Variants in GRIA4 observed in about 807,000 individuals in gnomAD.
GRIA4 encodes the protein glutamate ionotropic receptor AMPA type subunit 4.
GRIA4 carries 34 observed loss-of-function variants against 104.0 expected under a neutral mutation model. The ratio of observed to expected loss-of-function variants is 0.33; its 90% CI spans 0.25 to 0.44. GRIA4 has a LOEUF of 0.44. GRIA4 is among the 20% of genes least tolerant of loss of function. The pLI, the probability that GRIA4 is intolerant of heterozygous loss-of-function variation, is 1.00. For synonymous variants in GRIA4, 386 were observed against 381.9 expected, an observed-to-expected ratio of 1.01 and a Z score of -0.13; for missense variants, 750 against 1,096.5, an observed-to-expected ratio of 0.68 and a Z score of 4.46.
chr11:105,751,748 T>A (rs1284903839), intron 3 of GRIA4, among the ~76,000 whole-genome samples: 1 of 152,194 alleles, frequency 6.6e-6, no homozygotes. Context: ...TTTAACAACA[T>A]AAATGCACAT....
intron 5 of GRIA4, among the ~76,000 whole-genome samples, chr11:105,868,495 A>G (rs1945507363): frequency 6.6e-6 from 1 of 152,150 alleles, no homozygotes; most frequent in Non-Finnish European, 1.5e-5. Context: ...GGTTCAAACA[A>G]CAATTGTCGA....
chr11:105,753,408 T>C (rs1287975868), intron 4 of GRIA4, among the ~76,000 whole-genome samples, 188 bp downstream of exon 4: 1 of 152,166 alleles, frequency 6.6e-6, no homozygotes, highest in Non-Finnish European at 1.5e-5. Context: ...ATTCACAAGG[T>C]TACTCCTGAG....
intron 3 of GRIA4, among the ~76,000 whole-genome samples, chr11:105,662,750 T>A (rs572394667): frequency 6.6e-6 from 1 of 151,986 alleles, no homozygotes; most frequent in South Asian, 2.1e-4. Flanking sequence ...TTGATTAAAA[T>A]AAATGATGTG....
At chr11:105,650,984 A>G (rs1408139674) in intron 3 of GRIA4, among the ~76,000 whole-genome samples, 1 of 152,184 alleles carries the variant, frequency 6.6e-6, no homozygotes, top group Non-Finnish European at 1.5e-5. Flanking sequence ...AACATTTTAC[A>G]CTTTAATCAA....
intron 15 of GRIA4, among the ~76,000 whole-genome samples, chr11:105,972,445 T>A (rs471795): frequency 0.65 from 98,693 of 151,852 alleles, 32,143 homozygotes; most frequent in Middle Eastern, 0.73. Flanking sequence ...TAAATATTAA[T>A]TAAATGCTTA....
rs71469040 is a variant in GRIA4, at chr11:105,888,271, C to CTTTTTTTTTT, written c.726+720_726+729dup. On this transcript the variant is annotated intron_variant, in intron 6 of 16. Coordinates refer to ENST00000282499, the MANE Select transcript of GRIA4 (RefSeq NM_000829.4). Reference sequence around the variant, plus strand: ...TTGGAGAAGTTAAGGATGTTTTCTCCTTTTTTTTTTTTTTTTTTTTTTTTT... The same window carrying CTTTTTTTTTT: ...TTGGAGAAGTTAAGGATGTTTTCTCCTTTTTTTTTTTTTTTTTTTTTTTTTTTTTTTTTTT... 4.4e-3 allele frequency among the ~76,000 whole-genome samples: 240 copies of CTTTTTTTTTT among 54,576 alleles called. 55 individuals are homozygous for CTTTTTTTTTT. Among genetic ancestry groups the CTTTTTTTTTT allele is most frequent in the African/African-American group, 8.7e-3 (109 of 12,526 alleles). 35.8% of individuals were successfully genotyped at this position (54,576 alleles called of 152,430 possible).
intron 14 of GRIA4, among the ~76,000 whole-genome samples, chr11:105,951,169 G>C (rs1470910343): frequency 6.6e-6 from 1 of 152,160 alleles, no homozygotes; most frequent in Non-Finnish European, 1.5e-5. Flanking sequence ...TGTGGACCAT[G>C]GAATGGAATT....
chr11:105,936,923 G>A (rs1948058070), intron 14 of GRIA4, among the ~76,000 whole-genome samples: 1 of 152,088 alleles, frequency 6.6e-6, no homozygotes, highest in Non-Finnish European at 1.5e-5. Context: ...TAAAACCACT[G>A]ATCTATCACT....
At chr11:105,872,966 G>C (rs1383074480) in intron 5 of GRIA4, among the ~76,000 whole-genome samples, 1 of 151,954 alleles carries the variant, frequency 6.6e-6, no homozygotes, top group Non-Finnish European at 1.5e-5. Flanking sequence ...GGATACATGT[G>C]CAGAATGTGC....
At chr11:105,700,456 C>G (rs929463798) in intron 3 of GRIA4, among the ~76,000 whole-genome samples, 5 of 152,154 alleles carry the variant, frequency 3.3e-5, no homozygotes, top group Non-Finnish European at 7.3e-5. Flanking sequence ...TTATTTTCCT[C>G]CATATTTAAG....
At chr11:105,887,615 G>A (rs765087595) in intron 6 of GRIA4, 43 bp downstream of exon 6, 6 of 864,406 alleles carry the variant, frequency 6.9e-6, no homozygotes, top group Non-Finnish European at 1.2e-5. Context: ...AATTGCTCAA[G>A]CACACAAGAT....
chr11:105,819,733 C>A (rs1486874896), intron 4 of GRIA4, among the ~76,000 whole-genome samples: 2 of 151,956 alleles, frequency 1.3e-5, no homozygotes, highest in Non-Finnish European at 2.9e-5. Flanking sequence ...CTCAGCAACA[C>A]AATGAAATAA....
intron 1 of GRIA4, 31 bp from the exon 2 acceptor site, chr11:105,610,870 CTTTTTTT>C (rs55973528): frequency 5.0e-4 from 177 of 356,844 alleles, no homozygotes; most frequent in Middle Eastern, 1.5e-3. Context: ...TCTTTCTTTT[CTTTTTTT>C]TTTTTTTTTT....
intron 4 of GRIA4, among the ~76,000 whole-genome samples, chr11:105,813,816 A>G (rs1943270204): frequency 6.6e-6 from 1 of 152,124 alleles, no homozygotes; most frequent in African/African-American, 2.4e-5. Context: ...ACAAAACAAG[A>G]TAGACAATGA....
chr11:105,675,549 T>C (rs1952509600), intron 3 of GRIA4, among the ~76,000 whole-genome samples: 1 of 151,804 alleles, frequency 6.6e-6, no homozygotes, highest in Non-Finnish European at 1.5e-5. Flanking sequence ...TCAGGTGTCA[T>C]ATTGCTCCCC....
At chr11:105,815,485 C>A (rs1943338590) in intron 4 of GRIA4, among the ~76,000 whole-genome samples, 1 of 152,096 alleles carries the variant, frequency 6.6e-6, no homozygotes, top group African/African-American at 2.4e-5. Context: ...TTTCATCTGT[C>A]CTCTCACCTG....
chr11:105,947,256 C>T (rs1300881330), intron 14 of GRIA4, among the ~76,000 whole-genome samples: 1 of 152,114 alleles, frequency 6.6e-6, no homozygotes, highest in Non-Finnish European at 1.5e-5. Flanking sequence ...CTCTCACTGA[C>T]TTCTTTAATG....
At chr11:105,611,715 C>T (rs118064766) in intron 2 of GRIA4, among the ~76,000 whole-genome samples, 928 of 152,228 alleles carry the variant, frequency 6.1e-3, no homozygotes, top group Non-Finnish European at 0.011. Context: ...TCTTGCTATT[C>T]TCCTCTACTG....
At position 105,669,428 on chromosome 11, in the gene GRIA4, A is replaced by G. The variant is rs181653695; in HGVS notation, c.247+56994A>G. Among the ~76,000 whole-genome samples the G allele has an allele frequency of 3.5e-3, 537 of 152,238 alleles. 1 individual carries two copies. Among genetic ancestry groups the G allele is most frequent in the Non-Finnish European group, 6.4e-3 (433 of 68,012 alleles). On this transcript the variant is annotated intron_variant, in intron 3 of 16. Coordinates refer to ENST00000282499, the MANE Select transcript of GRIA4 (RefSeq NM_000829.4). ...ATCTTTTTGTTTAAAATAAAACAATACTATAATTTCCAAATTCACCCATTT... is the reference window on the plus strand; with the variant it reads ...ATCTTTTTGTTTAAAATAAAACAATGCTATAATTTCCAAATTCACCCATTT...
Sources: allele counts gnomAD v4.1 joint callset (sites outside exome capture counted in the v4.1 genomes callset), GRCh38; gene constraint gnomAD v4.1.1; transcripts MANE v1.5; gene names NCBI Gene and HGNC (gene_info 2026-07-23, HGNC 2026-07-21).